HIVEP1: variants seen among roughly 807,000 people sequenced by gnomAD.
HIVEP1 encodes the protein zinc finger protein 40.
In HIVEP1, 36 loss-of-function variants were observed where a neutral mutation model predicts 180.0. That is an observed-to-expected ratio of 0.20 (90% CI 0.15 to 0.26). HIVEP1 has a LOEUF of 0.26. HIVEP1 is among the 10% of genes least tolerant of loss of function. The probability of loss-of-function intolerance (pLI) is 1.00; values close to 1 mark genes in which losing one functional copy is unlikely to be tolerated. For missense variants in HIVEP1, 3,143 were observed against 3,268.7 expected (o/e 0.96, Z 0.94); for synonymous variants, 1,239 against 1,239.0 (o/e 1.00, Z 0.00).
At chr6:12,011,116 T>C (rs944885797), upstream of HIVEP1, among the ~76,000 whole-genome samples, 2 of 152,194 alleles carry the variant, frequency 1.3e-5, no homozygotes, top group Admixed American at 1.3e-4. Context: ...AAAAAGTGGT[T>C]TCAGTTCAGG....
intron 3 of HIVEP1, among the ~76,000 whole-genome samples, chr6:12,098,035 G>A (rs1773874916): frequency 6.6e-6 from 1 of 152,080 alleles, no homozygotes; most frequent in African/African-American, 2.4e-5. Flanking sequence ...CATACTTATA[G>A]CATATTTCAT....
intron 7 of HIVEP1, among the ~76,000 whole-genome samples, chr6:12,139,451 A>G (rs949547782): frequency 6.6e-6 from 1 of 152,140 alleles, no homozygotes; most frequent in Non-Finnish European, 1.5e-5. Flanking sequence ...TGCATTTCCA[A>G]CTGAGGTACC....
chr6:12,107,451 G>T (rs536879769), intron 3 of HIVEP1, among the ~76,000 whole-genome samples: 1 of 152,302 alleles, frequency 6.6e-6, no homozygotes, highest in Admixed American at 6.5e-5. Flanking sequence ...GTGGCTAAAG[G>T]TTGGGTGGCT....
intron 1 of HIVEP1, chr6:12,012,783 C>G (rs903245327): frequency 2.6e-5 from 4 of 152,716 alleles, no homozygotes; most frequent in African/African-American, 9.7e-5. Context: ...GCGCGCGAGC[C>G]GAGCAGGTAC....
chr6:12,055,204 G>T (rs1770780159), intron 2 of HIVEP1, among the ~76,000 whole-genome samples: 1 of 152,236 alleles, frequency 6.6e-6, no homozygotes, highest in Admixed American at 6.5e-5. Context: ...ATGATTTTCA[G>T]TGGCTCACGC....
At chr6:12,061,028 T>G (rs1182864193) in intron 2 of HIVEP1, among the ~76,000 whole-genome samples, 1 of 151,940 alleles carries the variant, frequency 6.6e-6, no homozygotes, top group Non-Finnish European at 1.5e-5. Context: ...TTAGAGCTGC[T>G]CCTAGATGTG....
At chr6:12,211,464 CAT>C in the HIVEP1 span, among the ~76,000 whole-genome samples, 34,752 of 100,080 alleles carry the variant, frequency 0.35, 4,397 homozygotes, top group East Asian at 0.47. Context: ...CACTTTCCAT[CAT>C]ATATATATGT....
chr6:12,044,805 C>A (rs571915660), intron 2 of HIVEP1, among the ~76,000 whole-genome samples: 2 of 149,650 alleles, frequency 1.3e-5, no homozygotes, highest in African/African-American at 4.9e-5. Flanking sequence ...CTGTGCCCCC[C>A]TCAAAGCCAG....
At chr6:12,099,510 C>G (rs1773983037) in intron 3 of HIVEP1, among the ~76,000 whole-genome samples, 1 of 151,964 alleles carries the variant, frequency 6.6e-6, no homozygotes, top group African/African-American at 2.4e-5. Context: ...TTCAGCAGGC[C>G]CACCCCACAT....
chr6:12,074,444 G>GA (rs1033698412), intron 2 of HIVEP1, among the ~76,000 whole-genome samples: 5 of 152,024 alleles, frequency 3.3e-5, no homozygotes, highest in Admixed American at 6.6e-5. Context: ...TTTAACAACT[G>GA]AAAAAAATGA....
At chr6:12,104,983 T>G (rs1317212115) in intron 3 of HIVEP1, among the ~76,000 whole-genome samples, 1 of 152,244 alleles carries the variant, frequency 6.6e-6, no homozygotes, top group Admixed American at 6.5e-5. Flanking sequence ...CATGTTGAAT[T>G]CTTTTCTCAG....
chr6:12,023,371 C>G (rs1017551565), intron 2 of HIVEP1, among the ~76,000 whole-genome samples: 14 of 152,152 alleles, frequency 9.2e-5, no homozygotes, highest in Admixed American at 6.5e-5. Context: ...GCTGTTTAAG[C>G]ATCGTTTTTC....
chr6:12,023,655 C>CT (rs60857853), intron 2 of HIVEP1, among the ~76,000 whole-genome samples: 28,201 of 139,890 alleles, frequency 0.2, 2,930 homozygotes, highest in Non-Finnish European at 0.27. Flanking sequence ...AGCAAGCCTC[C>CT]TTTTTTTTTG....
chr6:12,141,167 ATC>A (rs1218525520), intron 7 of HIVEP1, among the ~76,000 whole-genome samples: 1 of 152,168 alleles, frequency 6.6e-6, no homozygotes, highest in Admixed American at 6.5e-5. Context: ...TTAACAGCAG[ATC>A]TCTCGGCAGA....
chr6:12,008,371 A>G (rs974685230), upstream of HIVEP1: 1 of 152,240 alleles, frequency 6.6e-6, no homozygotes, highest in Non-Finnish European at 1.5e-5. Context: ...CTCCACCACC[A>G]TCTTACAAGT....
At chr6:12,109,536 AC>A (rs1774748940) in intron 3 of HIVEP1, among the ~76,000 whole-genome samples, 1 of 152,154 alleles carries the variant, frequency 6.6e-6, no homozygotes, top group Non-Finnish European at 1.5e-5. Flanking sequence ...ATCTCAAGAA[AC>A]CACTTTCTTT....
intron 2 of HIVEP1, among the ~76,000 whole-genome samples, chr6:12,046,545 C>G (rs1770126391): frequency 6.6e-6 from 1 of 152,110 alleles, no homozygotes; most frequent in Admixed American, 6.6e-5. Context: ...CTTTGGGAGG[C>G]TGAGGTGGGT....
intron 2 of HIVEP1, among the ~76,000 whole-genome samples, chr6:12,047,597 G>A (rs1341187573): frequency 6.6e-6 from 1 of 152,244 alleles, no homozygotes; most frequent in Non-Finnish European, 1.5e-5. Context: ...AGAAGCAGGT[G>A]TTCTGCCACA....
downstream of HIVEP1, among the ~76,000 whole-genome samples, chr6:12,167,631 T>TTATATAACATG (rs1562023544): frequency 3.0e-5 from 3 of 100,832 alleles, 1 homozygote; most frequent in African/African-American, 1.8e-4. Context: ...TATATACATG[T>TTATATAACATG]TATATATACA....
Sources: allele counts gnomAD v4.1 joint callset (sites outside exome capture counted in the v4.1 genomes callset), GRCh38; gene constraint gnomAD v4.1.1; transcripts MANE v1.5; gene names NCBI Gene and HGNC (gene_info 2026-07-23, HGNC 2026-07-21).